HECW2: variants seen among roughly 807,000 people sequenced by gnomAD.
HECW2 encodes the protein E3 ubiquitin-protein ligase HECW2.
In HECW2, 61 loss-of-function variants were observed where a neutral mutation model predicts 175.2. The observed-to-expected ratio is 0.35, with a 90% CI of 0.28 to 0.43. HECW2 has a LOEUF of 0.43. HECW2 is among the 20% of genes least tolerant of loss of function. HECW2 has a pLI of 1.00. For missense variants in HECW2, 1,524 were observed against 2,000.5 expected (o/e 0.76, Z 4.54); for synonymous variants, 671 against 731.0 (o/e 0.92, Z 1.32).
chr2:196,425,166 A>T (rs1297303942), intron 2 of HECW2, among the ~76,000 whole-genome samples: 2 of 151,912 alleles, frequency 1.3e-5, no homozygotes, highest in Non-Finnish European at 2.9e-5. Context: ...GATTTACTGA[A>T]TATTTTTACG....
Position 196,497,855 on chromosome 2 carries a change from G to C in HECW2, c.-35-64397C>G, listed in dbSNP as rs957005697. On this transcript the variant is annotated intron_variant, in intron 1 of 28. Coordinates refer to ENST00000644978, the MANE Select transcript of HECW2 (RefSeq NM_001348768.2). ...ACAGAGGGCAAGAAGCATCTAGACA[G>C]ACAGGGCTTTCTGGGTTTCCCCACT... is the stretch of plus-strand genomic sequence containing the variant. Among the ~76,000 whole-genome samples, 8 of 152,222 alleles carry C rather than the reference G, an allele frequency of 5.3e-5. No homozygotes were observed. The East Asian group carries it at 1.3e-3, about 26-fold the overall frequency.
At chr2:196,489,529 A>C (rs1328173026) in intron 1 of HECW2, among the ~76,000 whole-genome samples, 1 of 152,114 alleles carries the variant, frequency 6.6e-6, no homozygotes, top group Non-Finnish European at 1.5e-5. Flanking sequence ...CATACTCCAA[A>C]TCCTTTCCTT....
chr2:196,223,950 G>T (rs1687760084), intron 23 of HECW2, among the ~76,000 whole-genome samples: 1 of 152,126 alleles, frequency 6.6e-6, no homozygotes, highest in East Asian at 1.9e-4. Context: ...TCTAAAACAG[G>T]GGTGACAAAC....
intron 2 of HECW2, among the ~76,000 whole-genome samples, chr2:196,345,791 T>A (rs1234158887): frequency 6.6e-6 from 1 of 152,246 alleles, no homozygotes; most frequent in Admixed American, 6.5e-5. Flanking sequence ...TTTGGATCAC[T>A]GCTCCAGGTT....
intron 1 of HECW2, among the ~76,000 whole-genome samples, chr2:196,534,518 T>C (rs1688953098): frequency 6.6e-6 from 1 of 152,176 alleles, no homozygotes; most frequent in South Asian, 2.1e-4. Flanking sequence ...GCCTCAGAAA[T>C]GAGAACGGGG....
chr2:196,447,399 C>A (rs980913128), intron 1 of HECW2, among the ~76,000 whole-genome samples: 1 of 152,202 alleles, frequency 6.6e-6, no homozygotes, highest in Admixed American at 6.5e-5. Context: ...CTTTCAACCC[C>A]ATTTCTGCTA....
At chr2:196,520,887 A>G (rs1688342956) in intron 1 of HECW2, among the ~76,000 whole-genome samples, 1 of 152,232 alleles carries the variant, frequency 6.6e-6, no homozygotes, top group Non-Finnish European at 1.5e-5. Context: ...TATAAGACAT[A>G]AAATTATTTA....
At chr2:196,277,917 G>C (rs1305925874) in intron 15 of HECW2, among the ~76,000 whole-genome samples, 2 of 129,138 alleles carry the variant, frequency 1.5e-5, no homozygotes, top group East Asian at 4.8e-4. Flanking sequence ...TCATAGGTGG[G>C]AATTGAACAG....
At chr2:196,430,825 C>G (rs1342132918) in intron 2 of HECW2, among the ~76,000 whole-genome samples, 1 of 151,834 alleles carries the variant, frequency 6.6e-6, no homozygotes, top group African/African-American at 2.4e-5. Flanking sequence ...CTAACATATG[C>G]ATAACTGGCA....
chr2:196,492,135 T>G (rs1009534287), intron 1 of HECW2, among the ~76,000 whole-genome samples: 1 of 152,202 alleles, frequency 6.6e-6, no homozygotes, highest in Admixed American at 6.5e-5. Context: ...TCAAAAATGT[T>G]GCAATGTAAA....
At chr2:196,473,039 T>A (rs61131538) in intron 1 of HECW2, among the ~76,000 whole-genome samples, 1 of 152,190 alleles carries the variant, frequency 6.6e-6, no homozygotes, top group African/African-American at 2.4e-5. Context: ...CCTGGTTAAT[T>A]GGTTACCACA....
chr2:196,579,101 A>G (rs1690669032), intron 1 of HECW2, among the ~76,000 whole-genome samples: 1 of 152,168 alleles, frequency 6.6e-6, no homozygotes, highest in Non-Finnish European at 1.5e-5. Flanking sequence ...GAAGTTTTAT[A>G]TACTTCTGAA....
chr2:196,206,052 C>A (rs1687056000), intron 28 of HECW2, among the ~76,000 whole-genome samples: 1 of 152,264 alleles, frequency 6.6e-6, no homozygotes, highest in South Asian at 2.1e-4. Flanking sequence ...TTCACACCCC[C>A]ACTCCCACCC....
chr2:196,309,768 A>G (rs1294762863), intron 10 of HECW2, among the ~76,000 whole-genome samples: 1 of 152,162 alleles, frequency 6.6e-6, no homozygotes, highest in African/African-American at 2.4e-5. Context: ...AATTCAGGAT[A>G]AAAAAATAGA....
chr2:196,535,257 A>G (rs919877715), intron 1 of HECW2, among the ~76,000 whole-genome samples: 12 of 152,198 alleles, frequency 7.9e-5, no homozygotes, highest in African/African-American at 2.9e-4. Flanking sequence ...GATCAGTACT[A>G]AACTAGATGT....
At position 196,217,025 on chromosome 2, in the gene HECW2, G is replaced by A. The variant is rs2105805603; in HGVS notation, c.4477C>T (p.Arg1493Ter). 6.6e-7 allele frequency: 1 copy of A among 1,524,818 alleles called. No individual in the cohort carries two copies. The highest frequency in any genetic ancestry group is 1.3e-5 in the South Asian group (1 of 79,438). The allele number at this position is 1,524,818 out of a possible 1,614,324, so 94.5% of individuals were successfully genotyped here. A position where few individuals can be genotyped will look rare whatever the true frequency, so the allele number is the denominator to read the frequency against. ...CATCTCACCTGTAACAACCTTAGTC[G>A]TTGTTCATTGTTGAATCTTTCCACT... ...AAVERFNNEQ[R>*]LRLLQFVTGT... Residue 1493 changes from arginine (R) to a stop codon, truncating the protein, a stop_gained, in exon 27 of 29, where the codon CGA becomes TGA. Transcript: ENST00000644978. LOFTEE classifies it high-confidence loss of function.
At chr2:196,513,689 G>A (rs1201464480) in intron 1 of HECW2, among the ~76,000 whole-genome samples, 1 of 152,144 alleles carries the variant, frequency 6.6e-6, no homozygotes, top group Non-Finnish European at 1.5e-5. Flanking sequence ...ATAGTAAGAA[G>A]CCACAAAAGT....
chr2:196,201,054 A>G lies in HECW2; in HGVS notation c.*223T>C, dbSNP rs565516709. ...TTTGGCAGTCAAGAACTGTTGATTG[A>G]AAGACGGTTGGGTTGTTCCCTGGGC... On this transcript the variant is annotated 3_prime_UTR_variant, in exon 29 of 29. Transcript: ENST00000644978. 1.3e-5 allele frequency: 6 copies of G among 472,920 alleles called. No individual in the cohort carries two copies. In the Admixed American group the frequency reaches 1.3e-4, roughly 10 times the overall value. The allele number at this position is 472,920 out of a possible 1,614,324, so 29.3% of individuals were successfully genotyped here.
chr2:196,510,653 A>C (rs1389665046), intron 1 of HECW2, among the ~76,000 whole-genome samples: 4 of 151,744 alleles, frequency 2.6e-5, no homozygotes, highest in Non-Finnish European at 4.4e-5. Flanking sequence ...TTTTTAAGGT[A>C]GGGTTTTAAT....
Sources: gnomAD v4.1 joint callset for allele counts (sites outside exome capture counted in the v4.1 genomes callset) on GRCh38, gnomAD v4.1.1 for gene constraint, MANE v1.5 for transcripts, NCBI Gene and HGNC (gene_info 2026-07-23, HGNC 2026-07-21) for gene names.